The following DLG2 variants were observed in gnomAD, a reference collection of about 807,000 sequenced individuals.
The protein encoded by DLG2 is discs large MAGUK scaffold protein 2, also known as disks large homolog 2.
Under a neutral mutation model 132.5 loss-of-function variants are expected in DLG2, and 45 were observed. That is an observed-to-expected ratio of 0.34 (90% CI 0.27 to 0.44). The LOEUF is 0.44. Ranked by LOEUF, DLG2 falls within the 20% of genes least tolerant of loss-of-function variation. The pLI is 1.00. For synonymous variants in DLG2, 424 were observed against 419.6 expected, an observed-to-expected ratio of 1.01 and a Z score of -0.13; for missense variants, 1,045 against 1,196.9, an observed-to-expected ratio of 0.87 and a Z score of 1.87.
At chr11:85,490,782 C>T (rs1485341695) in intron 3 of DLG2, among the ~76,000 whole-genome samples, 2 of 151,992 alleles carry the variant, frequency 1.3e-5, no homozygotes, top group Non-Finnish European at 2.9e-5. Context: ...AAACCAGTAA[C>T]AAGTAGCAAG....
chr11:84,744,999 C>T (rs1055036395), intron 6 of DLG2, among the ~76,000 whole-genome samples: 1 of 150,280 alleles, frequency 6.7e-6, no homozygotes, highest in Non-Finnish European at 1.5e-5. Flanking sequence ...TTTCTCGCAC[C>T]AAGCACTGAA....
intron 8 of DLG2, among the ~76,000 whole-genome samples, chr11:84,180,766 G>A (rs2096097768): frequency 1.3e-5 from 2 of 152,026 alleles, no homozygotes; most frequent in South Asian, 4.1e-4. Flanking sequence ...GGAAGAGAGT[G>A]AAGTGAAATA....
At chr11:84,646,568 G>T (rs1393594340) in intron 6 of DLG2, among the ~76,000 whole-genome samples, 2 of 151,698 alleles carry the variant, frequency 1.3e-5, no homozygotes, top group Non-Finnish European at 2.9e-5. Context: ...GGATGTTTCA[G>T]TCTGACAGAA....
At chr11:84,746,435 G>C (rs972156176) in intron 6 of DLG2, among the ~76,000 whole-genome samples, 13 of 122,596 alleles carry the variant, frequency 1.1e-4, no homozygotes, top group Non-Finnish European at 2.3e-4. Flanking sequence ...GCTTAGTTTA[G>C]ACTTGATTAA....
intron 7 of DLG2, among the ~76,000 whole-genome samples, chr11:84,524,037 C>T (rs1189013101): frequency 1.3e-5 from 2 of 151,944 alleles, no homozygotes; most frequent in African/African-American, 2.4e-5. Flanking sequence ...TTCCTTGGGC[C>T]ACATTGGAAG....
At chr11:84,804,050 A>G (rs769530876) in intron 6 of DLG2, among the ~76,000 whole-genome samples, 7 of 152,234 alleles carry the variant, frequency 4.6e-5, no homozygotes, top group African/African-American at 7.2e-5. Flanking sequence ...AGCAATTATT[A>G]TTGTTGTTTG....
intron 3 of DLG2, among the ~76,000 whole-genome samples, chr11:85,546,124 A>T (rs1233738625): frequency 3.3e-5 from 5 of 152,178 alleles, no homozygotes; most frequent in African/African-American, 1.2e-4. Context: ...TCTTGTGGGC[A>T]TTTAGTGCTA....
At chr11:84,711,023 T>C (rs937293107) in intron 6 of DLG2, among the ~76,000 whole-genome samples, 1 of 98,246 alleles carries the variant, frequency 1.0e-5, no homozygotes, top group African/African-American at 4.1e-5. Flanking sequence ...TATATATATA[T>C]ATATATATAG....
At position 83,472,714 on chromosome 11, in the gene DLG2, C is replaced by A; in HGVS notation, c.2344+13G>T. On this transcript the variant is annotated intron_variant, in intron 23 of 27. Transcript: ENST00000376104. ...CCCAGAAATTAGGAATGAAAGCGTG[C>A]TGGGAAACTTACTTTCCTGCCTTGT... 1 of 1,609,858 alleles carries A rather than the reference C, an allele frequency of 6.2e-7. No individual in the cohort carries two copies. Among genetic ancestry groups the A allele is most frequent in the Non-Finnish European group, 8.5e-7 (1 of 1,177,768 alleles).
At chr11:83,834,795 A>G (rs1273330980) in intron 16 of DLG2, among the ~76,000 whole-genome samples, 1 of 152,164 alleles carries the variant, frequency 6.6e-6, no homozygotes, top group Non-Finnish European at 1.5e-5. Flanking sequence ...AAGTCTTAAA[A>G]TGCATTTAGT....
At chr11:83,532,369 A>G (rs2095773989) in intron 21 of DLG2, among the ~76,000 whole-genome samples, 1 of 152,106 alleles carries the variant, frequency 6.6e-6, no homozygotes, top group South Asian at 2.1e-4. Flanking sequence ...TACTTTTTAT[A>G]AAATCCATCA....
At chr11:83,780,105 A>G (rs953176469) in intron 18 of DLG2, among the ~76,000 whole-genome samples, 1 of 152,224 alleles carries the variant, frequency 6.6e-6, no homozygotes, top group Non-Finnish European at 1.5e-5. Flanking sequence ...ATGTTTCAAC[A>G]TGCCACAGCT....
At chr11:84,536,418 A>C (rs527887924) in intron 6 of DLG2, among the ~76,000 whole-genome samples, 2 of 152,300 alleles carry the variant, frequency 1.3e-5, no homozygotes, top group East Asian at 3.9e-4. Context: ...TAGTAGAAAA[A>C]AAAAAATCAC....
At chr11:83,614,544 C>T (rs2060530091) in intron 19 of DLG2, among the ~76,000 whole-genome samples, 2 of 152,032 alleles carry the variant, frequency 1.3e-5, no homozygotes. Flanking sequence ...CATGGCCAAA[C>T]TCCATCCCTA....
At chr11:83,586,485 G>T (rs1237177854) in intron 19 of DLG2, among the ~76,000 whole-genome samples, 1 of 152,202 alleles carries the variant, frequency 6.6e-6, no homozygotes, top group East Asian at 1.9e-4. Context: ...CTGTTGTGAG[G>T]TTGAATGAAA....
In DLG2 at chr11:84,714,641, C is replaced by T. The variant is rs868740019; in HGVS notation, c.358-179910G>A. On this transcript the variant is annotated intron_variant, in intron 6 of 27. Transcript: ENST00000376104. ...TTTCTCTTTCTCTCTCTCTCTCTCTCTCTCTTTCTCTCTCTCTCTCTCTCT... is the reference window on the plus strand; with the variant it reads ...TTTCTCTTTCTCTCTCTCTCTCTCTTTCTCTTTCTCTCTCTCTCTCTCTCT... Among the ~76,000 whole-genome samples the T allele has an allele frequency of 1.5e-3, 208 of 134,942 alleles. 2 individuals carry two copies. The highest frequency in any genetic ancestry group is 5.2e-3 in the African/African-American group (170 of 32,402). The allele number at this position is 134,942 out of a possible 152,430, so 88.5% of individuals were successfully genotyped here. A position where few individuals can be genotyped will look rare whatever the true frequency, so the allele number is the denominator to read the frequency against.
chr11:84,019,657 GTTTGT>G (rs1158394724), intron 11 of DLG2, among the ~76,000 whole-genome samples: 15 of 152,128 alleles, frequency 9.9e-5, no homozygotes, highest in Admixed American at 9.8e-4. Context: ...ATGAAACTGT[GTTTGT>G]TTTAATAAAT....
At chr11:85,041,397 A>G (rs925964351) in intron 6 of DLG2, among the ~76,000 whole-genome samples, 1 of 151,956 alleles carries the variant, frequency 6.6e-6, no homozygotes, top group Non-Finnish European at 1.5e-5. Context: ...CTAAAGCAAT[A>G]TATCAAGCAT....
At chr11:84,988,660 C>T (rs557363503) in intron 6 of DLG2, among the ~76,000 whole-genome samples, 33 of 152,154 alleles carry the variant, frequency 2.2e-4, no homozygotes, top group African/African-American at 7.2e-4. Context: ...ATAAGTGGGA[C>T]CTAAGCTATG....
Sources: gnomAD v4.1 joint callset for allele counts (sites outside exome capture counted in the v4.1 genomes callset) on GRCh38, gnomAD v4.1.1 for gene constraint, MANE v1.5 for transcripts, NCBI Gene and HGNC (gene_info 2026-07-23, HGNC 2026-07-21) for gene names.